The following AKAP13 variants were observed in gnomAD, a reference collection of about 807,000 sequenced individuals.
AKAP13 encodes the protein A-kinase anchor protein 13.
In AKAP13, 80 loss-of-function variants were observed where a neutral mutation model predicts 264.5. That is an observed-to-expected ratio of 0.30 (90% CI 0.25 to 0.36). The LOEUF (loss-of-function observed/expected upper bound fraction) is 0.36, where lower values mean the gene tolerates loss of function less well. Ranked by LOEUF, AKAP13 falls within the 10% of genes least tolerant of loss-of-function variation. AKAP13 has a pLI of 1.00. For synonymous variants in AKAP13, 1,380 were observed against 1,250.2 expected (o/e 1.10, Z -2.19); for missense variants, 3,712 against 3,435.2 (o/e 1.08, Z -2.01).
chr15:85,534,275 G>A, intron 4 of AKAP13: 1 of 221,226 alleles, frequency 4.5e-6, no homozygotes, highest in Non-Finnish European at 8.8e-6. Flanking sequence ...TAGCCTGGAA[G>A]TGAAGGAGAG....
At position 85,722,325 on chromosome 15, in the gene AKAP13, A is replaced by G; in HGVS notation, c.6474A>G (p.Gln2158=). Residue 2158 remains glutamine (Q), a synonymous_variant, in exon 25 of 37, where the codon CAA becomes CAG. Transcript: ENST00000394518. ...QRITKYPVLF[Q]RILQCTKDNE... Reference sequence around the variant, plus strand: ...TTACCAAGTACCCAGTTTTATTCCAAAGAATATTGCAGTGTACCAAAGGTA... The same window carrying G: ...TTACCAAGTACCCAGTTTTATTCCAGAGAATATTGCAGTGTACCAAAGGTA... 9 of 1,612,960 alleles carry G rather than the reference A, an allele frequency of 5.6e-6. No homozygotes were observed. Among genetic ancestry groups the G allele is most frequent in the Non-Finnish European group, 7.6e-6 (9 of 1,179,512 alleles).
chr15:85,692,372 A>T (rs2085333765), intron 16 of AKAP13, among the ~76,000 whole-genome samples: 1 of 152,192 alleles, frequency 6.6e-6, no homozygotes, highest in African/African-American at 2.4e-5. Flanking sequence ...CATATGTTTT[A>T]AAAAACATAT....
At position 85,432,191 on chromosome 15, in the gene AKAP13, A is replaced by G. The variant is rs145690973; in HGVS notation, c.-12+51393A>G. ...TCAACTCAATTCTAACCTCATTCCT[A>G]ACTTAGCCTAACTCTATAGTTTATT... On this transcript the variant is annotated intron_variant, in intron 1 of 36. Coordinates refer to ENST00000394518, the MANE Select transcript of AKAP13 (RefSeq NM_007200.5). Among the ~76,000 whole-genome samples, 27 of 152,250 alleles carry G rather than the reference A, an allele frequency of 1.8e-4. 1 individual carries two copies. The highest frequency in any genetic ancestry group is 6.5e-4 in the African/African-American group (27 of 41,534).
rs59619317 is a variant in AKAP13, at chr15:85,388,039, CTTT to C, written c.-12+7252_-12+7254del. 5.6e-5 allele frequency among the ~76,000 whole-genome samples: 8 copies of C among 143,788 alleles called. No individual in the cohort carries two copies. The South Asian group carries it at 1.3e-3, about 24-fold the overall frequency. 94.3% of individuals were successfully genotyped at this position (143,788 alleles called of 152,430 possible). A position where few individuals can be genotyped will look rare whatever the true frequency, so the allele number is the denominator to read the frequency against. ...TTTTCACTTTGTATACTTTCATTTC[CTTT>C]TTTTTTTTTTGAGATAGAGACTCGC... On this transcript the variant is annotated intron_variant, in intron 1 of 36. Transcript: ENST00000394518.
chr15:85,577,105 A>C (rs1200378731), intron 6 of AKAP13, among the ~76,000 whole-genome samples: 1 of 152,242 alleles, frequency 6.6e-6, no homozygotes, highest in African/African-American at 2.4e-5. Flanking sequence ...AGAAGCTTTT[A>C]GTGAAAGTCC....
intron 1 of AKAP13, among the ~76,000 whole-genome samples, chr15:85,463,220 A>G (rs1229757941): frequency 6.6e-6 from 1 of 152,142 alleles, no homozygotes; most frequent in Non-Finnish European, 1.5e-5. Flanking sequence ...TATAATATGC[A>G]TGTAATTGGA....
At chr15:85,623,569 C>T (rs963147967) in intron 8 of AKAP13, among the ~76,000 whole-genome samples, 1 of 152,150 alleles carries the variant, frequency 6.6e-6, no homozygotes. Flanking sequence ...GTATCAAGAC[C>T]TTCTTGTAAG....
chr15:85,516,035 A>C (rs527756141), intron 2 of AKAP13, among the ~76,000 whole-genome samples: 8 of 152,342 alleles, frequency 5.3e-5, no homozygotes, highest in Admixed American at 5.2e-4. Context: ...AACTCAGAAA[A>C]GCACATGGTG....
At chr15:85,704,873 T>G (rs1034730016) in intron 17 of AKAP13, among the ~76,000 whole-genome samples, 1 of 152,222 alleles carries the variant, frequency 6.6e-6, no homozygotes, top group Admixed American at 6.5e-5. Context: ...TTGGCTGATG[T>G]CAGTGGGGCT....
At chr15:85,555,606 A>G (rs2078114487) in intron 5 of AKAP13, 1 of 639,240 alleles carries the variant, frequency 1.6e-6, no homozygotes, top group Non-Finnish European at 2.5e-6. Context: ...TCCCTGAAGG[A>G]CTTGTGTTGT....
intron 1 of AKAP13, among the ~76,000 whole-genome samples, chr15:85,442,958 C>T (rs1263797963): frequency 6.6e-6 from 1 of 152,142 alleles, no homozygotes; most frequent in Admixed American, 6.5e-5. Context: ...AATTTGTTTC[C>T]TCTCTTCATC....
At chr15:85,544,212 T>G (rs1347419290) in intron 5 of AKAP13, 7 of 592,732 alleles carry the variant, frequency 1.2e-5, no homozygotes, top group Non-Finnish European at 1.9e-5. Context: ...CTCTTATATT[T>G]TACTATTTTA....
intron 14 of AKAP13, among the ~76,000 whole-genome samples, chr15:85,679,015 CGGATCACGAGGTCG>C (rs1567190743): frequency 6.6e-6 from 1 of 151,912 alleles, no homozygotes; most frequent in African/African-American, 2.4e-5. Context: ...CTGAGGTGGG[CGGATCACGAGGTCG>C]GGAGTTCAAG....
intron 19 of AKAP13, among the ~76,000 whole-genome samples, chr15:85,714,103 A>G (rs912780273): frequency 6.6e-6 from 1 of 152,206 alleles, no homozygotes; most frequent in African/African-American, 2.4e-5. Flanking sequence ...AGCCTTACCA[A>G]TAACATAAAC....
Position 85,521,439 on chromosome 15 carries a change from T to C in AKAP13, c.45T>C (p.Val15=), listed in dbSNP as rs753220441. 1.2e-6 allele frequency: 2 copies of C among 1,614,084 alleles called. No homozygotes were observed. The highest frequency in any genetic ancestry group is 1.7e-6 in the Non-Finnish European group (2 of 1,179,968). Residue 15 remains valine (V), a synonymous_variant, in exon 3 of 37, where the codon GTT becomes GTC. Transcript: ENST00000394518. ...GTTTCCTTTCCTAGGGTGATTGTGT[T>C]GTTACAGTGCTGCTTGCTGAAGAGG... ...PQQAPLYGDC[V]VTVLLAEEDK... is the part of the protein sequence containing the mutation.
intron 14 of AKAP13, among the ~76,000 whole-genome samples, chr15:85,671,131 A>G (rs1055594917): frequency 2.0e-5 from 3 of 152,052 alleles, no homozygotes; most frequent in Non-Finnish European, 4.4e-5. Flanking sequence ...CCTGGTGTTT[A>G]TGGGGTTTCC....
At chr15:85,398,923 G>A (rs1234760464) in intron 1 of AKAP13, among the ~76,000 whole-genome samples, 3 of 152,120 alleles carry the variant, frequency 2.0e-5, no homozygotes, top group Admixed American at 6.5e-5. Context: ...ATTTGAATAG[G>A]TTGTGTATCT....
chr15:85,665,170 T>C (rs1210440823), intron 13 of AKAP13, among the ~76,000 whole-genome samples: 1 of 151,910 alleles, frequency 6.6e-6, no homozygotes, highest in African/African-American at 2.4e-5. Flanking sequence ...ACCACTGCAC[T>C]CCAGCCTGGG....
Position 85,579,909 on chromosome 15 carries a change from C to G in AKAP13, c.1841C>G (p.Ala614Gly). 1 of 1,614,214 alleles carries G rather than the reference C, an allele frequency of 6.2e-7. No individual in the cohort carries two copies. The highest frequency in any genetic ancestry group is 8.5e-7 in the Non-Finnish European group (1 of 1,180,036). ...YTLLAAGIGEAMSPSDLALLG... is the reference protein window; with the variant it reads ...YTLLAAGIGEGMSPSDLALLG... ...CTCTTAGCAGCAGGCATAGGTGAGG[C>G]AATGTCACCCTCAGATTTAGCCCTT... Residue 614 changes from alanine to glycine, a missense_variant, in exon 7 of 37, where the codon GCA (alanine) becomes GGA (glycine). Physicochemically the swap from Ala to Gly is moderately conservative, Grantham distance 60. This residue lies in a region of AKAP13 where 2,759 missense variants were observed against 2,411.7 expected (regional missense o/e 1.14). Coordinates refer to ENST00000394518, the MANE Select transcript of AKAP13 (RefSeq NM_007200.5).
Sources: allele counts gnomAD v4.1 joint callset (sites outside exome capture counted in the v4.1 genomes callset), GRCh38; gene constraint gnomAD v4.1.1; regional missense constraint gnomAD v4.1.1; transcripts MANE v1.5; gene names NCBI Gene and HGNC (gene_info 2026-07-23, HGNC 2026-07-21).